PTPRR: variants seen among roughly 807,000 people sequenced by gnomAD.
PTPRR encodes the protein receptor-type tyrosine-protein phosphatase R.
A neutral mutation model predicts 77.2 loss-of-function variants in PTPRR; 38 were observed. The ratio of observed to expected loss-of-function variants is 0.49; its 90% CI spans 0.38 to 0.65. The LOEUF is 0.65. Ranked by LOEUF, PTPRR falls within the 30% of genes least tolerant of loss-of-function variation. The pLI is 0.00. For missense variants in PTPRR, 744 were observed against 799.2 expected, an observed-to-expected ratio of 0.93 and a Z score of 0.83; for synonymous variants, 299 against 283.1, an observed-to-expected ratio of 1.06 and a Z score of -0.57.
At chr12:70,856,955 G>T (rs1892663147) in intron 2 of PTPRR, among the ~76,000 whole-genome samples, 1 of 152,000 alleles carries the variant, frequency 6.6e-6, no homozygotes, top group South Asian at 2.1e-4. Flanking sequence ...CAGAAGAGAA[G>T]ATGTGGACAA....
rs1891166863 is a variant in PTPRR at position 70,779,865 on chromosome 12, A to T, written c.358-15087T>A. Among the ~76,000 whole-genome samples the T allele has an allele frequency of 2.6e-5, 4 of 152,334 alleles. No homozygotes were observed. In the South Asian group the frequency reaches 8.3e-4, roughly 32 times the overall value. ...AGTTTACCTGTAATACCTAATCATT[A>T]AAAAACACACAGAATTGATTTAGCA... On this transcript the variant is annotated intron_variant, in intron 2 of 13. Coordinates refer to ENST00000283228, the MANE Select transcript of PTPRR (RefSeq NM_002849.4).
intron 10 of PTPRR, 130 bp from the exon 11 acceptor site, chr12:70,662,735 T>G (rs1886842058): frequency 3.7e-6 from 2 of 547,470 alleles, no homozygotes; most frequent in South Asian, 5.5e-5. Flanking sequence ...TTTATAGTTT[T>G]GTAAATATAC....
chr12:70,649,539 A>G (rs12369361), intron 13 of PTPRR, among the ~76,000 whole-genome samples: 5,721 of 152,198 alleles, frequency 0.038, 159 homozygotes, highest in Middle Eastern at 0.065. Flanking sequence ...CTCTCTTATT[A>G]CACTTAGCTG....
chr12:70,732,170 T>C (rs1013788862), intron 6 of PTPRR, among the ~76,000 whole-genome samples: 12 of 152,252 alleles, frequency 7.9e-5, no homozygotes, highest in African/African-American at 2.9e-4. Flanking sequence ...TTCATTCTCA[T>C]AGATCCTTTA....
intron 8 of PTPRR, among the ~76,000 whole-genome samples, chr12:70,690,802 T>C (rs1462970946): frequency 6.6e-6 from 1 of 152,222 alleles, no homozygotes; most frequent in East Asian, 1.9e-4. Flanking sequence ...AGACTCTTTG[T>C]GGACTAAAGT....
intron 2 of PTPRR, among the ~76,000 whole-genome samples, chr12:70,835,721 C>T (rs956589276): frequency 2.0e-5 from 3 of 152,040 alleles, no homozygotes; most frequent in Admixed American, 1.3e-4. Flanking sequence ...AAAAGTAAAA[C>T]CTTGACTCTT....
At chr12:70,727,601 T>C (rs1202233543) in intron 6 of PTPRR, among the ~76,000 whole-genome samples, 2 of 152,168 alleles carry the variant, frequency 1.3e-5, no homozygotes, top group Non-Finnish European at 2.9e-5. Flanking sequence ...GAAAATTTTA[T>C]ATTAGTTATG....
At chr12:70,841,269 T>C (rs1231369266) in intron 2 of PTPRR, among the ~76,000 whole-genome samples, 2 of 152,140 alleles carry the variant, frequency 1.3e-5, no homozygotes, top group Non-Finnish European at 2.9e-5. Flanking sequence ...AGCAAGAAAG[T>C]AAAATACAGC....
At chr12:70,805,536 A>G (rs1232646205) in intron 2 of PTPRR, among the ~76,000 whole-genome samples, 1 of 151,912 alleles carries the variant, frequency 6.6e-6, no homozygotes, top group African/African-American at 2.4e-5. Flanking sequence ...TACTTTTTAA[A>G]CTTGTGCAGA....
chr12:70,787,565 TA>T (rs1034640343), intron 2 of PTPRR, among the ~76,000 whole-genome samples: 15 of 151,974 alleles, frequency 9.9e-5, no homozygotes, highest in Non-Finnish European at 8.8e-5. Flanking sequence ...AGAAAATCAC[TA>T]AAAAAACTTT....
chr12:70,752,062 G>A (rs1310230407), intron 5 of PTPRR, among the ~76,000 whole-genome samples: 1 of 152,104 alleles, frequency 6.6e-6, no homozygotes, highest in African/African-American at 2.4e-5. Context: ...TTTCCTGAAT[G>A]TCATATAGTT....
At chr12:70,775,777 G>T (rs1487322922) in intron 2 of PTPRR, among the ~76,000 whole-genome samples, 1 of 151,044 alleles carries the variant, frequency 6.6e-6, no homozygotes, top group Non-Finnish European at 1.5e-5. Flanking sequence ...ACTCAAATGT[G>T]CCCCCCAACC....
At chr12:70,822,616 A>C (rs1273192277) in intron 2 of PTPRR, among the ~76,000 whole-genome samples, 2 of 152,142 alleles carry the variant, frequency 1.3e-5, no homozygotes, top group South Asian at 2.1e-4. Flanking sequence ...TCTCCCTCCC[A>C]GCTCACATTT....
At chr12:70,761,825 T>G (rs1890698089) in intron 3 of PTPRR, among the ~76,000 whole-genome samples, 199 bp from the exon 4 acceptor site, 1 of 152,224 alleles carries the variant, frequency 6.6e-6, no homozygotes, top group Non-Finnish European at 1.5e-5. Context: ...AATAGCTTTC[T>G]TGCCATTAGT....
chr12:70,711,594 A>T lies in PTPRR; in HGVS notation c.1008-10271T>A, dbSNP rs1305475691. Among the ~76,000 whole-genome samples, 24 of 152,254 alleles carry T rather than the reference A, an allele frequency of 1.6e-4. 1 individual carries two copies. Among genetic ancestry groups the T allele is most frequent in the Non-Finnish European group, 5.9e-5 (4 of 67,988 alleles). Reference sequence around the variant, plus strand: ...GTTTATCTACGTAACAAACCTGCACATGTACCCCTGAACTTAACATAGAAG... The same window carrying T: ...GTTTATCTACGTAACAAACCTGCACTTGTACCCCTGAACTTAACATAGAAG... On this transcript the variant is annotated intron_variant, in intron 6 of 13. Transcript: ENST00000283228.
chr12:70,754,111 T>C (rs2136948844), intron 5 of PTPRR, 80 bp downstream of exon 5: 1 of 1,323,800 alleles, frequency 7.6e-7, no homozygotes, highest in African/African-American at 1.5e-5. Flanking sequence ...CATTTTAACA[T>C]TCATTTGAAT....
chr12:70,893,188 A>C (rs550297785), intron 1 of PTPRR, among the ~76,000 whole-genome samples: 1 of 152,102 alleles, frequency 6.6e-6, no homozygotes, highest in South Asian at 2.1e-4. Context: ...TTAGGTGGAT[A>C]AAAGTGGGCG....
intron 6 of PTPRR, among the ~76,000 whole-genome samples, chr12:70,709,420 C>A (rs1346663713): frequency 1.3e-5 from 2 of 152,118 alleles, no homozygotes; most frequent in Non-Finnish European, 2.9e-5. Flanking sequence ...GACAAGAATG[C>A]TTTCACCACT....
chr12:70,879,267 G>A (rs1352364204), intron 2 of PTPRR, among the ~76,000 whole-genome samples: 1 of 151,622 alleles, frequency 6.6e-6, no homozygotes, highest in African/African-American at 2.4e-5. Context: ...AGAAAAAAAC[G>A]ATATGTAAAA....
Sources: allele counts gnomAD v4.1 joint callset (sites outside exome capture counted in the v4.1 genomes callset), GRCh38; gene constraint gnomAD v4.1.1; transcripts MANE v1.5; gene names NCBI Gene and HGNC (gene_info 2026-07-23, HGNC 2026-07-21).